Variants in GRM7 observed in about 807,000 individuals in gnomAD.
The protein encoded by GRM7 is metabotropic glutamate receptor 7.
Under a neutral mutation model 84.5 loss-of-function variants are expected in GRM7, and 35 were observed. That is an observed-to-expected ratio of 0.41 (90% CI 0.32 to 0.55). The LOEUF is 0.55. Ranked by LOEUF, GRM7 falls within the 20% of genes least tolerant of loss-of-function variation. The probability of loss-of-function intolerance (pLI) is 0.19; values close to 1 mark genes in which losing one functional copy is unlikely to be tolerated. For synonymous variants in GRM7, 487 were observed against 455.1 expected, an observed-to-expected ratio of 1.07 and a Z score of -0.89; for missense variants, 1,003 against 1,194.6, an observed-to-expected ratio of 0.84 and a Z score of 2.36.
intron 1 of GRM7, among the ~76,000 whole-genome samples, chr3:7,120,643 A>G (rs1163423094): frequency 6.6e-6 from 1 of 152,158 alleles, no homozygotes; most frequent in Non-Finnish European, 1.5e-5. Flanking sequence ...TAAATATGCA[A>G]TCATTTAAAA....
intron 1 of GRM7, among the ~76,000 whole-genome samples, chr3:6,876,299 A>G (rs370850180): frequency 1.4e-4 from 21 of 152,010 alleles, no homozygotes; most frequent in African/African-American, 5.1e-4. Flanking sequence ...GGCATGAATC[A>G]AGGGCCACTG....
At chr3:7,271,386 C>T (rs1575106189) in intron 2 of GRM7, among the ~76,000 whole-genome samples, 1 of 151,668 alleles carries the variant, frequency 6.6e-6, no homozygotes, top group East Asian at 2.0e-4. Flanking sequence ...GGTGAAACCC[C>T]GTCTCTACTA....
intron 8 of GRM7, among the ~76,000 whole-genome samples, chr3:7,675,041 CTT>C (rs1209103611): frequency 6.6e-6 from 1 of 152,134 alleles, no homozygotes; most frequent in Non-Finnish European, 1.5e-5. Context: ...CCGCATAACA[CTT>C]TTCTGAGTAA....
chr3:7,082,048 A>G (rs548570876), intron 1 of GRM7, among the ~76,000 whole-genome samples: 2 of 152,248 alleles, frequency 1.3e-5, no homozygotes, highest in South Asian at 2.1e-4. Context: ...AGCAGCAGCA[A>G]TTTATCCAGA....
intron 1 of GRM7, among the ~76,000 whole-genome samples, chr3:7,123,747 C>T (rs1693302563): frequency 6.6e-6 from 1 of 152,146 alleles, no homozygotes; most frequent in South Asian, 2.1e-4. Flanking sequence ...CCTTGGAGGT[C>T]AACGCTTCCT....
intron 8 of GRM7, among the ~76,000 whole-genome samples, chr3:7,608,732 G>T (rs1014461885): frequency 6.6e-6 from 1 of 152,062 alleles, no homozygotes; most frequent in African/African-American, 2.4e-5. Context: ...GGTCCCAATT[G>T]TCAGTTTTTG....
At chr3:7,076,575 C>A (rs1698088120) in intron 1 of GRM7, among the ~76,000 whole-genome samples, 2 of 152,146 alleles carry the variant, frequency 1.3e-5, no homozygotes, top group South Asian at 4.1e-4. Context: ...GTCAATTAAA[C>A]TTCTTTCCTT....
At chr3:7,112,727 T>C (rs970208109) in intron 1 of GRM7, among the ~76,000 whole-genome samples, 1 of 152,136 alleles carries the variant, frequency 6.6e-6, no homozygotes, top group Non-Finnish European at 1.5e-5. Flanking sequence ...TGACTAGTGG[T>C]AAATGTATTG....
At chr3:7,454,764 A>G (rs1697932275) in intron 6 of GRM7, among the ~76,000 whole-genome samples, 1 of 152,124 alleles carries the variant, frequency 6.6e-6, no homozygotes, top group African/African-American at 2.4e-5. Context: ...GTTGGATTAC[A>G]ATATGTATGG....
At chr3:7,251,636 A>G (rs1174919418) in intron 2 of GRM7, among the ~76,000 whole-genome samples, 1 of 152,112 alleles carries the variant, frequency 6.6e-6, no homozygotes, top group South Asian at 2.1e-4. Flanking sequence ...TAGACCACTG[A>G]CTATATGGTT....
At chr3:7,676,765 T>A (rs1473246983) in intron 8 of GRM7, among the ~76,000 whole-genome samples, 2 of 152,100 alleles carry the variant, frequency 1.3e-5, no homozygotes, top group Non-Finnish European at 2.9e-5. Context: ...TGTGTTACAA[T>A]TGCCCACAGT....
chr3:7,473,391 C>A (rs1430649948), intron 7 of GRM7, among the ~76,000 whole-genome samples: 1 of 151,796 alleles, frequency 6.6e-6, no homozygotes, highest in African/African-American at 2.4e-5. Context: ...CAGGAAGATC[C>A]TTTGAGCCCA....
At chr3:7,189,431 G>T (rs1385212986) in intron 2 of GRM7, among the ~76,000 whole-genome samples, 1 of 152,066 alleles carries the variant, frequency 6.6e-6, no homozygotes, top group Non-Finnish European at 1.5e-5. Context: ...CTGGCTTTGG[G>T]TTTATAATGA....
At chr3:6,988,010 T>C (rs1264757921) in intron 1 of GRM7, among the ~76,000 whole-genome samples, 1 of 149,604 alleles carries the variant, frequency 6.7e-6, no homozygotes, top group Non-Finnish European at 1.5e-5. Context: ...TTTTTTTTTT[T>C]TTTTCAGACG....
At position 7,547,212 on chromosome 3, in the gene GRM7, T is replaced by G. The variant is rs868852085; in HGVS notation, c.1516-31210T>G. The stretch of plus-strand genomic sequence containing the variant: ...GTGAATTCTTTTTTTTTTTTTTTTT[T>G]TTTTTTTTTTTTGAGACGGAGTCTC... On this transcript the variant is annotated intron_variant, in intron 7 of 9. Coordinates refer to ENST00000357716, the MANE Select transcript of GRM7 (RefSeq NM_000844.4). 5.7e-3 allele frequency among the ~76,000 whole-genome samples: 792 copies of G among 139,634 alleles called. 22 individuals are homozygous for G. Among genetic ancestry groups the G allele is most frequent in the Middle Eastern group, 0.032 (9 of 280 alleles). The allele number at this position is 139,634 out of a possible 152,430, so 91.6% of individuals were successfully genotyped here. A position where few individuals can be genotyped will look rare whatever the true frequency, so the allele number is the denominator to read the frequency against.
chr3:7,331,933 G>T (rs1218312330), intron 4 of GRM7, among the ~76,000 whole-genome samples: 3 of 152,182 alleles, frequency 2.0e-5, no homozygotes, highest in African/African-American at 7.2e-5. Flanking sequence ...TATTGAGCGT[G>T]TCTGGAAAAG....
intron 9 of GRM7, among the ~76,000 whole-genome samples, chr3:7,699,796 T>TA (rs950750180): frequency 1.3e-5 from 2 of 152,080 alleles, no homozygotes; most frequent in African/African-American, 4.8e-5. Context: ...AGTTTTTCTT[T>TA]AAAAAAATAA....
chr3:7,099,943 C>A (rs1485429753), intron 1 of GRM7, among the ~76,000 whole-genome samples: 1 of 146,798 alleles, frequency 6.8e-6, no homozygotes, highest in Non-Finnish European at 1.5e-5. Flanking sequence ...TTATGATATA[C>A]ATTATGTATA....
intron 4 of GRM7, among the ~76,000 whole-genome samples, chr3:7,412,496 G>T (rs1195876872): frequency 6.6e-6 from 1 of 152,104 alleles, no homozygotes; most frequent in Non-Finnish European, 1.5e-5. Flanking sequence ...AGACGCCTGG[G>T]ATAATAATGT....
Sources: gnomAD v4.1 joint callset for allele counts (sites outside exome capture counted in the v4.1 genomes callset) on GRCh38, gnomAD v4.1.1 for gene constraint, MANE v1.5 for transcripts, NCBI Gene and HGNC (gene_info 2026-07-23, HGNC 2026-07-21) for gene names.